MOB4: variants seen among roughly 807,000 people sequenced by gnomAD.
MOB4 encodes the protein MOB-like protein phocein.
Under a neutral mutation model 32.2 loss-of-function variants are expected in MOB4, and 4 were observed. The observed-to-expected ratio is 0.12, with a 90% CI of 0.06 to 0.28. MOB4 has a LOEUF of 0.28. Ranked by LOEUF, MOB4 falls within the 10% of genes least tolerant of loss-of-function variation. MOB4 has a pLI of 1.00. For missense variants in MOB4, 158 were observed against 271.2 expected, an observed-to-expected ratio of 0.58 and a Z score of 2.93; for synonymous variants, 88 against 88.1, an observed-to-expected ratio of 1.00 and a Z score of 0.01.
At chr2:197,540,254 A>G (rs893480479) in intron 4 of MOB4, 97 bp from the exon 5 acceptor site, 20 of 1,492,662 alleles carry the variant, frequency 1.3e-5, no homozygotes, top group Non-Finnish European at 1.7e-5. Flanking sequence ...CACATTTCTA[A>G]CTTTCTTCTA....
intron 3 of MOB4, among the ~76,000 whole-genome samples, chr2:197,537,618 C>G (rs1469182276): frequency 6.6e-6 from 1 of 152,148 alleles, no homozygotes; most frequent in African/African-American, 2.4e-5. Flanking sequence ...AGACAAATTA[C>G]TTGACTATTT....
At chr2:197,526,769 T>C (rs1460202501) in intron 2 of MOB4, among the ~76,000 whole-genome samples, 1 of 152,248 alleles carries the variant, frequency 6.6e-6, no homozygotes, top group East Asian at 1.9e-4. Flanking sequence ...CCTTTCTTTA[T>C]TGAATGGTCT....
chr2:197,543,808 G>A (rs999053178), intron 5 of MOB4, among the ~76,000 whole-genome samples: 1 of 151,936 alleles, frequency 6.6e-6, no homozygotes, highest in Non-Finnish European at 1.5e-5. Context: ...GCGCAATCTC[G>A]GCTCACTGCA....
In MOB4 at chr2:197,539,515, A is replaced by T. The variant is rs571894913; in HGVS notation, c.225-596A>T. Among the ~76,000 whole-genome samples the T allele has an allele frequency of 2.3e-4, 35 of 151,980 alleles. No individual in the cohort carries two copies. In the South Asian group the frequency reaches 7.1e-3, roughly 31 times the overall value. On this transcript the variant is annotated intron_variant, in intron 3 of 7. Coordinates refer to ENST00000323303, the MANE Select transcript of MOB4 (RefSeq NM_015387.5). ...TGTATTTTTGTGGCGATGGAGTTTC[A>T]CCATTTTGGCCAGGATGGTCTTGAA...
intron 1 of MOB4, among the ~76,000 whole-genome samples, chr2:197,523,252 T>A (rs1346185091): frequency 6.6e-6 from 1 of 152,078 alleles, no homozygotes; most frequent in Non-Finnish European, 1.5e-5. Flanking sequence ...AAAACGTAAT[T>A]TATAGTTCAA....
chr2:197,526,141 T>C (rs1426524089), intron 2 of MOB4, among the ~76,000 whole-genome samples: 1 of 152,216 alleles, frequency 6.6e-6, no homozygotes, highest in Non-Finnish European at 1.5e-5. Context: ...TTTTAGTTTT[T>C]CACTGTTGAG....
At chr2:197,543,394 G>C (rs1239104582) in intron 5 of MOB4, among the ~76,000 whole-genome samples, 2 of 151,826 alleles carry the variant, frequency 1.3e-5, no homozygotes, top group Non-Finnish European at 2.9e-5. Flanking sequence ...CGAGGGTTGT[G>C]CGTTATTGTT....
At position 197,552,065 on chromosome 2, in the gene MOB4, A is replaced by AT. The variant is rs1270621101; in HGVS notation, c.*1420dup. The AT allele has an allele frequency of 6.6e-6, 1 of 152,348 alleles. No individual in the cohort carries two copies. Among genetic ancestry groups the AT allele is most frequent in the Admixed American group, 6.5e-5 (1 of 15,274 alleles). 9.4% of individuals were successfully genotyped at this position (152,348 alleles called of 1,614,324 possible). A position where few individuals can be genotyped will look rare whatever the true frequency, so the allele number is the denominator to read the frequency against. ...CAAATTTAAGGGAATAATTTATACC[A>AT]TCTTTTCAGACAAGAATGTACAGCA... On this transcript the variant is annotated 3_prime_UTR_variant, in exon 8 of 8. Coordinates refer to ENST00000323303, the MANE Select transcript of MOB4 (RefSeq NM_015387.5).
intron 2 of MOB4, chr2:197,533,983 A>G (rs1334700715): frequency 7.5e-6 from 4 of 531,134 alleles, no homozygotes; most frequent in East Asian, 4.6e-5. Context: ...TTTACATGAG[A>G]TGGCACACAT....
At chr2:197,515,908 G>T (rs538722016), upstream of MOB4, 3 of 606,516 alleles carry the variant, frequency 4.9e-6, no homozygotes, top group Admixed American at 3.5e-5. Flanking sequence ...GCTGTTCCTC[G>T]TTCGCCCTCT....
chr2:197,518,923 T>A (rs963669736), intron 1 of MOB4, among the ~76,000 whole-genome samples: 16 of 150,898 alleles, frequency 1.1e-4, no homozygotes, highest in African/African-American at 3.9e-4. Flanking sequence ...GTCTGACTAA[T>A]TTTTTTTTGT....
intron 5 of MOB4, among the ~76,000 whole-genome samples, chr2:197,543,203 A>G (rs550397432): frequency 9.2e-5 from 14 of 152,260 alleles, no homozygotes; most frequent in Admixed American, 8.5e-4. Context: ...CTGAGGTGGG[A>G]GAATCACCTG....
At chr2:197,521,151 A>G (rs1004914896) in intron 1 of MOB4, among the ~76,000 whole-genome samples, 6 of 152,006 alleles carry the variant, frequency 3.9e-5, no homozygotes, top group Admixed American at 1.3e-4. Context: ...GTTCTTTTCT[A>G]TTTTCCCTAA....
At position 197,540,239 on chromosome 2, in the gene MOB4, G is replaced by A. The variant is rs560397463; in HGVS notation, c.267+86G>A. The stretch of plus-strand genomic sequence containing the variant: ...TATAACTTAATGTGCTTACAAAAAC[G>A]TATCCACATTTCTAACTTTCTTCTA... On this transcript the variant is annotated intron_variant, in intron 4 of 7. Transcript: ENST00000323303. 3.3e-4 allele frequency: 507 copies of A among 1,513,798 alleles called. 1 individual carries two copies. In the African/African-American group the frequency reaches 4.0e-3, roughly 12 times the overall value. The allele number at this position is 1,513,798 out of a possible 1,614,324, so 93.8% of individuals were successfully genotyped here.
chr2:197,540,917 T>G (rs1017168328), intron 5 of MOB4, among the ~76,000 whole-genome samples: 1 of 152,084 alleles, frequency 6.6e-6, no homozygotes, highest in Non-Finnish European at 1.5e-5. Flanking sequence ...CTTTTTTTTT[T>G]TTGAGATGGA....
intron 1 of MOB4, 55 bp downstream of exon 1, chr2:197,516,201 C>G: frequency 6.4e-7 from 1 of 1,550,938 alleles, no homozygotes; most frequent in Non-Finnish European, 8.7e-7. Flanking sequence ...AGTGCTGCGC[C>G]CGGAAGCTGG....
At chr2:197,550,234 T>C in intron 6 of MOB4, 41 bp from the exon 7 acceptor site, 2 of 1,559,948 alleles carry the variant, frequency 1.3e-6, no homozygotes, top group African/African-American at 2.8e-5. Flanking sequence ...CCTAAGATTC[T>C]ATCCAGTTCT....
intron 1 of MOB4, among the ~76,000 whole-genome samples, chr2:197,519,004 C>G (rs1045688629): frequency 1.3e-5 from 2 of 151,998 alleles, no homozygotes; most frequent in South Asian, 2.1e-4. Context: ...GTGATCCGCC[C>G]GTCTCGGCCT....
chr2:197,520,459 G>A (rs1231230601), intron 1 of MOB4, among the ~76,000 whole-genome samples: 1 of 151,974 alleles, frequency 6.6e-6, no homozygotes, highest in Non-Finnish European at 1.5e-5. Flanking sequence ...TATACACTGT[G>A]TTTACTTCTA....
Sources: allele counts gnomAD v4.1 joint callset (sites outside exome capture counted in the v4.1 genomes callset), GRCh38; gene constraint gnomAD v4.1.1; transcripts MANE v1.5; gene names NCBI Gene and HGNC (gene_info 2026-07-23, HGNC 2026-07-21).